CDIPT: variants seen among roughly 807,000 people sequenced by gnomAD.
CDIPT encodes the protein PI synthase.
Under a neutral mutation model 21.6 loss-of-function variants are expected in CDIPT, and 17 were observed. That is an observed-to-expected ratio of 0.79 (90% CI 0.54 to 1.18). The LOEUF (loss-of-function observed/expected upper bound fraction) is 1.18. Ranked by LOEUF, CDIPT falls within the 50% of genes most tolerant of loss-of-function variation. The pLI is 0.00. For synonymous variants in CDIPT, 119 were observed against 117.9 expected, an observed-to-expected ratio of 1.01 and a Z score of -0.06; for missense variants, 254 against 284.9, an observed-to-expected ratio of 0.89 and a Z score of 0.78.
Position 29,862,664 on chromosome 16 carries a change from G to T in CDIPT, c.100C>A (p.Leu34Ile), listed in dbSNP as rs1286272609. 3.7e-6 allele frequency: 6 copies of T among 1,613,682 alleles called. No homozygotes were observed. Among genetic ancestry groups the T allele is most frequent in the Non-Finnish European group, 4.2e-6 (5 of 1,179,794 alleles). ...AGCAGGTAGAAGGAGGAGGCCGTGA[G>T]GGGGCAGCAGGGCATGAAGTAGAAA... The part of the protein sequence containing the change: ...ISFYFMPCCP[L>I]TASSFYLLSG... The change falls in exon 2 of 6, where the codon CTC (leucine) becomes ATC (isoleucine). Residue 34 changes from leucine (L) to isoleucine (I), a missense_variant. Physicochemically the swap from Leu to Ile is conservative, Grantham distance 5. Coordinates refer to ENST00000219789, the MANE Select transcript of CDIPT (RefSeq NM_006319.5). This position sits in a 1 kb window ranked among gnomAD's most constrained non-coding sequence, Gnocchi z 6.7.
chr16:29,860,813 G>T, intron 3 of CDIPT, 151 bp from the exon 4 acceptor site: 1 of 645,490 alleles, frequency 1.5e-6, no homozygotes, highest in Non-Finnish European at 2.8e-6. Context: ...TGGGGGCAGA[G>T]TCAGGATTCA....
rs1461203426 is a variant in CDIPT at position 29,861,250 on chromosome 16, A to T, written c.188T>A (p.Phe63Tyr). The change falls in exon 3 of 6, where the codon TTT becomes TAT. Residue 63 changes from phenylalanine to tyrosine, a missense_variant. Physicochemically the swap from Phe to Tyr is conservative, Grantham distance 22. Coordinates refer to ENST00000219789, the MANE Select transcript of CDIPT (RefSeq NM_006319.5). Reference sequence around the variant, plus strand: ...CGTCAGCATGTCCAGCATGGCCCCAAACCGGGTTCCTGGAAGATTAGGTGG... The same window carrying T: ...CGTCAGCATGTCCAGCATGGCCCCATACCGGGTTCCTGGAAGATTAGGTGG... Reference protein sequence around the residue: ...AARALNQGTRFGAMLDMLTDR... With the variant: ...AARALNQGTRYGAMLDMLTDR... The T allele has an allele frequency of 1.9e-6, 3 of 1,613,988 alleles. No homozygotes were observed. The Admixed American group carries it at 5.0e-5, about 27-fold the overall frequency.
chr16:29,859,219 C>A lies in CDIPT; in HGVS notation c.612G>T (p.Leu204=). ...TCTTCTTGGCGCGGTCTGCTGCGTC[C>A]AGGGCAGCCATGTTGCGGGCGGCCG... ...LITAARNMAA[L]DAADRAKKK is the part of the protein sequence containing the mutation. The change falls in exon 6 of 6, where the codon CTG becomes CTT. Residue 204 remains leucine, a synonymous_variant. Transcript: ENST00000219789. The surrounding 1 kb of genome is among the most constrained non-coding windows in gnomAD (Gnocchi z 4.5). The A allele has an allele frequency of 6.3e-7, 1 of 1,597,558 alleles. No individual in the cohort carries two copies. Among genetic ancestry groups the A allele is most frequent in the African/African-American group, 1.3e-5 (1 of 74,904 alleles).
At position 29,861,221 on chromosome 16, in the gene CDIPT, G is replaced by A. The variant is rs774469598; in HGVS notation, c.217C>T (p.Arg73Cys). 5 of 1,614,070 alleles carry A rather than the reference G, an allele frequency of 3.1e-6. No individual in the cohort carries two copies. Among genetic ancestry groups the A allele is most frequent in the Non-Finnish European group, 4.2e-6 (5 of 1,180,036 alleles). The change falls in exon 3 of 6, where the codon CGC becomes TGC. Residue 73 changes from arginine (R) to cysteine (C), a missense_variant. By Grantham distance (180) the Arg-to-Cys change is radical. Transcript: ENST00000219789. ...FGAMLDMLTD[R>C]CSTMCLLVNL... ...ACCAACAGGCACATGGTGGAGCAGC[G>A]GTCCGTCAGCATGTCCAGCATGGCC...
Position 29,861,108 on chromosome 16 carries a change from G to C in CDIPT, c.330C>G (p.His110Gln), listed in dbSNP as rs374737816. The change falls in exon 3 of 6, where the codon CAC (histidine) becomes CAG (glutamine). Residue 110 changes from histidine (H) to glutamine (Q), a missense_variant and splice_region_variant. Transcript: ENST00000219789. Reference protein sequence around the residue: ...LDVASHWLHLHSSVVRGSESH... With the variant: ...LDVASHWLHLQSSVVRGSESH... ...AGGCCCCCAGAATCGCAGCAGACCT[G>C]TGGAGGTGCAGCCAGTGACTGGCCA... is the stretch of plus-strand genomic sequence containing the variant. 8.1e-5 allele frequency: 131 copies of C among 1,613,990 alleles called. No individual in the cohort carries two copies. Among genetic ancestry groups the C allele is most frequent in the Non-Finnish European group, 1.1e-4 (125 of 1,180,016 alleles).
Position 29,859,265 on chromosome 16 carries a change from A to G in CDIPT, c.566T>C (p.Ile189Thr), listed in dbSNP as rs1428366511. 1 of 1,588,438 alleles carries G rather than the reference A, an allele frequency of 6.3e-7. No individual in the cohort carries two copies. ...GGCCGTGATCAGGTGGATGACGCTG[A>G]TGAGCGACTTCAGCAAGGCGATGGG... ...TAPIALLKSL[I>T]SVIHLITAAR... Residue 189 changes from isoleucine (I) to threonine (T), a missense_variant, in exon 6 of 6, where the codon ATC becomes ACC. Coordinates refer to ENST00000219789, the MANE Select transcript of CDIPT (RefSeq NM_006319.5). The surrounding 1 kb of genome is among the most constrained non-coding windows in gnomAD (Gnocchi z 4.5).
chr16:29,861,262 G>T lies in CDIPT; in HGVS notation c.179-3C>A, dbSNP rs1470983941. The T allele has an allele frequency of 6.2e-7, 1 of 1,614,140 alleles. No homozygotes were observed. The highest frequency in any genetic ancestry group is 1.3e-5 in the African/African-American group (1 of 75,048). Reference sequence around the variant, plus strand: ...CAGCATGGCCCCAAACCGGGTTCCTGGAAGATTAGGTGGGCAAGGGCTGTT... The same window carrying T: ...CAGCATGGCCCCAAACCGGGTTCCTTGAAGATTAGGTGGGCAAGGGCTGTT... On this transcript the variant is annotated splice_region_variant and splice_polypyrimidine_tract_variant and intron_variant, in intron 2 of 5. Transcript: ENST00000219789.
Position 29,862,760 on chromosome 16 carries a change from G to C in CDIPT, c.44-40C>G, listed in dbSNP as rs1596944389. ...CGGGGAGACAGGGCAGGATCAGGGA[G>C]CCCGCCAAGGCCCCTCGCCCTCTCG... On this transcript the variant is annotated intron_variant, in intron 1 of 5. Coordinates refer to ENST00000219789, the MANE Select transcript of CDIPT (RefSeq NM_006319.5). The surrounding 1 kb of genome is among the most constrained non-coding windows in gnomAD (Gnocchi z 6.7). 6.2e-7 allele frequency: 1 copy of C among 1,613,600 alleles called. No individual in the cohort carries two copies. The highest frequency in any genetic ancestry group is 2.2e-5 in the East Asian group (1 of 44,872).
rs1205176720 is a variant in CDIPT, at chr16:29,859,024, C to A, written c.*165G>T. 2.7e-6 allele frequency: 2 copies of A among 749,106 alleles called. No homozygotes were observed. Among genetic ancestry groups the A allele is most frequent in the Non-Finnish European group, 4.2e-6 (2 of 472,564 alleles). The allele number at this position is 749,106 out of a possible 1,614,324, so 46.4% of individuals were successfully genotyped here. A position where few individuals can be genotyped will look rare whatever the true frequency, so the allele number is the denominator to read the frequency against. On this transcript the variant is annotated 3_prime_UTR_variant, in exon 6 of 6. Transcript: ENST00000219789. The surrounding 1 kb of genome is among the most constrained non-coding windows in gnomAD (Gnocchi z 4.5). ...GATTTGAGGCCCGGGTCCTCAGGAT[C>A]CCAGAGAACGTGACGTCACCAAAGA...
Position 29,860,655 on chromosome 16 carries a change from C to A in CDIPT, c.340G>T (p.Val114Phe), listed in dbSNP as rs775685296. Residue 114 changes from valine (V) to phenylalanine (F), a missense_variant, in exon 4 of 6, where the codon GTC (valine) becomes TTC (phenylalanine). Coordinates refer to ENST00000219789, the MANE Select transcript of CDIPT (RefSeq NM_006319.5). Reference sequence around the variant, plus strand: ...ATCTTGTGACTCTCACTGCCTCGGACCACAGAACTTGGGGAGAAAACAGGG... The same window carrying A: ...ATCTTGTGACTCTCACTGCCTCGGAACACAGAACTTGGGGAGAAAACAGGG... ...SHWLHLHSSVVRGSESHKMID... is the reference protein window; with the variant it reads ...SHWLHLHSSVFRGSESHKMID... The A allele has an allele frequency of 6.2e-7, 1 of 1,609,702 alleles. No individual in the cohort carries two copies. The highest frequency in any genetic ancestry group is 1.3e-5 in the African/African-American group (1 of 74,946).
chr16:29,860,095 T>C (rs2067667529), intron 4 of CDIPT, among the ~76,000 whole-genome samples: 2 of 152,272 alleles, frequency 1.3e-5, no homozygotes, highest in South Asian at 4.1e-4. Flanking sequence ...CGTGTACCAC[T>C]GTGCCTGGCT....
chr16:29,859,187 C>T lies in CDIPT; in HGVS notation c.*2G>A, dbSNP rs140137968. ...GGGCAGCCAGGACCCGGGGCTCCAG[C>T]GTCACTTCTTCTTGGCGCGGTCTGC... is the stretch of plus-strand genomic sequence containing the variant. On this transcript the variant is annotated 3_prime_UTR_variant, in exon 6 of 6. Coordinates refer to ENST00000219789, the MANE Select transcript of CDIPT (RefSeq NM_006319.5). This position sits in a 1 kb window ranked among gnomAD's most constrained non-coding sequence, Gnocchi z 4.5. 3.5e-4 allele frequency: 558 copies of T among 1,593,194 alleles called. 2 individuals are homozygous for T. The East Asian group carries it at 8.8e-3, about 25-fold the overall frequency.
At position 29,862,239 on chromosome 16, in the gene CDIPT, A is replaced by G. The variant is rs111849392; in HGVS notation, c.178+347T>C. Among the ~76,000 whole-genome samples the G allele has an allele frequency of 1.0e-3, 158 of 152,298 alleles. 3 individuals are homozygous for G. The highest frequency in any genetic ancestry group is 3.7e-3 in the African/African-American group (152 of 41,554). Reference sequence around the variant, plus strand: ...GGAGCTGGGGACCAATCTGGGCGACACTGCAAGACCCAGTCTCTACAAAAA... The same window carrying G: ...GGAGCTGGGGACCAATCTGGGCGACGCTGCAAGACCCAGTCTCTACAAAAA... On this transcript the variant is annotated intron_variant, in intron 2 of 5. Coordinates refer to ENST00000219789, the MANE Select transcript of CDIPT (RefSeq NM_006319.5). This position sits in a 1 kb window ranked among gnomAD's most constrained non-coding sequence, Gnocchi z 6.7.
In CDIPT at chr16:29,861,249, A is replaced by G. The variant is rs369518030; in HGVS notation, c.189T>C (p.Phe63=). 2.2e-5 allele frequency: 35 copies of G among 1,614,078 alleles called. No individual in the cohort carries two copies. The African/African-American group carries it at 4.1e-4, about 19-fold the overall frequency. Residue 63 remains phenylalanine, a synonymous_variant, in exon 3 of 6, where the codon TTT becomes TTC. Coordinates refer to ENST00000219789, the MANE Select transcript of CDIPT (RefSeq NM_006319.5). ...AARALNQGTR[F]GAMLDMLTDR... is the part of the protein sequence containing the mutation. Reference sequence around the variant, plus strand: ...CCGTCAGCATGTCCAGCATGGCCCCAAACCGGGTTCCTGGAAGATTAGGTG... The same window carrying G: ...CCGTCAGCATGTCCAGCATGGCCCCGAACCGGGTTCCTGGAAGATTAGGTG...
chr16:29,862,863 C>T lies in CDIPT; in HGVS notation c.-6G>A. ...AAGATATTTTCGTCTGGCATCGCGG[C>T]GCCTCCCTTGCTGCCCCGGGCCTGC... On this transcript the variant is annotated 5_prime_UTR_variant, in exon 1 of 6. Transcript: ENST00000219789. This position sits in a 1 kb window ranked among gnomAD's most constrained non-coding sequence, Gnocchi z 6.7. 4 of 1,613,506 alleles carry T rather than the reference C, an allele frequency of 2.5e-6. No homozygotes were observed. The highest frequency in any genetic ancestry group is 3.4e-6 in the Non-Finnish European group (4 of 1,179,926).
Position 29,859,405 on chromosome 16 carries a change from C to A in CDIPT, c.496+37G>T. The A allele has an allele frequency of 6.3e-7, 1 of 1,599,714 alleles. No homozygotes were observed. The highest frequency in any genetic ancestry group is 1.1e-5 in the South Asian group (1 of 89,666). Reference sequence around the variant, plus strand: ...TCCATCTCCCTGGGCAGGCCAGATCCCCCTCCCATCCTCCTGCCCAGCCCC... The same window carrying A: ...TCCATCTCCCTGGGCAGGCCAGATCACCCTCCCATCCTCCTGCCCAGCCCC... On this transcript the variant is annotated intron_variant, in intron 5 of 5. Transcript: ENST00000219789. The surrounding 1 kb of genome is among the most constrained non-coding windows in gnomAD (Gnocchi z 4.5).
rs2067655003 is a variant in CDIPT at position 29,858,912 on chromosome 16, G to C, written c.*277C>G. ...GCGTCCCTAGCATCTCGGACCCCAG[G>C]ACTGAGCAGGCAGGGTGTGACACTG... On this transcript the variant is annotated 3_prime_UTR_variant, in exon 6 of 6. Transcript: ENST00000219789. The C allele has an allele frequency of 4.2e-6, 2 of 479,712 alleles. No individual in the cohort carries two copies. The highest frequency in any genetic ancestry group is 7.5e-6 in the Non-Finnish European group (2 of 266,762). 29.7% of individuals were successfully genotyped at this position (479,712 alleles called of 1,614,324 possible). A position where few individuals can be genotyped will look rare whatever the true frequency, so the allele number is the denominator to read the frequency against.
At chr16:29,860,489 G>A (rs936534215) in intron 4 of CDIPT, 92 bp downstream of exon 4, 13 of 819,604 alleles carry the variant, frequency 1.6e-5, no homozygotes, top group Admixed American at 7.9e-5. Context: ...CCTGCTCTGC[G>A]CCCTCGCCTT....
intron 4 of CDIPT, 84 bp downstream of exon 4, chr16:29,860,497 C>A: frequency 1.1e-6 from 1 of 915,662 alleles, no homozygotes; most frequent in Non-Finnish European, 1.8e-6. Context: ...GCGCCCTCGC[C>A]TTCTCCTAGG....
Sources: gnomAD v4.1 joint callset for allele counts (sites outside exome capture counted in the v4.1 genomes callset) on GRCh38, gnomAD v4.1.1 for gene constraint, Gnocchi (gnomAD v3.1) non-coding constraint, MANE v1.5 for transcripts, NCBI Gene and HGNC (gene_info 2026-07-23, HGNC 2026-07-21) for gene names.